GLI2: variants seen among roughly 807,000 people sequenced by gnomAD.
GLI2 encodes transcription activator GLI2.
GLI2 carries 22 observed loss-of-function variants against 78.9 expected under a neutral mutation model. The observed-to-expected ratio is 0.28, with a 90% CI of 0.20 to 0.40. The LOEUF (loss-of-function observed/expected upper bound fraction) is 0.40. GLI2 is among the 10% of genes least tolerant of loss of function. The pLI is 1.00. For synonymous variants in GLI2, 974 were observed against 963.7 expected (o/e 1.01, Z -0.20); for missense variants, 2,097 against 2,213.2 (o/e 0.95, Z 1.05).
At chr2:120,954,159 T>A (rs1558910916) in intron 4 of GLI2, among the ~76,000 whole-genome samples, 1 of 152,148 alleles carries the variant, frequency 6.6e-6, no homozygotes, top group Non-Finnish European at 1.5e-5. Flanking sequence ...TCGAGTCCTG[T>A]GTGCCCTGCT....
rs1312594885 is a variant in GLI2 at position 120,988,856 on chromosome 2, T to C, written c.2891T>C (p.Leu964Pro). ...DPVRRPDALS[L>P]PRVQRFHSTH... ...GTGCGGCGGCCCGATGCCCTGTCCC[T>C]GCCGCGGGTGCAGCGCTTCCACAGC... Residue 964 changes from leucine (L) to proline (P), a missense_variant, in exon 14 of 14, where the codon CTG becomes CCG. Leu to Pro is a moderately conservative substitution (Grantham distance 98, BLOSUM62 -3). This residue lies in a region of GLI2 where 1,290 missense variants were observed against 1,261.7 expected (regional missense o/e 1.02). Transcript: ENST00000361492. The C allele has an allele frequency of 1.3e-6, 2 of 1,491,822 alleles. No individual in the cohort carries two copies. Among genetic ancestry groups the C allele is most frequent in the Non-Finnish European group, 1.8e-6 (2 of 1,123,024 alleles). The allele number at this position is 1,491,822 out of a possible 1,614,324, so 92.4% of individuals were successfully genotyped here.
At chr2:120,956,036 A>C (rs776557836) in intron 5 of GLI2, among the ~76,000 whole-genome samples, 1 of 152,112 alleles carries the variant, frequency 6.6e-6, no homozygotes, top group African/African-American at 2.4e-5. Flanking sequence ...ACTGGAGATG[A>C]GGCTGGGCAG....
At chr2:120,956,102 A>C (rs1681248118) in intron 5 of GLI2, among the ~76,000 whole-genome samples, 1 of 152,098 alleles carries the variant, frequency 6.6e-6, no homozygotes, top group Non-Finnish European at 1.5e-5. Context: ...TGCTGATGTG[A>C]GAATTGATTT....
At chr2:120,910,683 C>T (rs979513925) in intron 2 of GLI2, among the ~76,000 whole-genome samples, 5 of 152,184 alleles carry the variant, frequency 3.3e-5, no homozygotes, top group African/African-American at 1.2e-4. Flanking sequence ...CCATTTTTAA[C>T]GCCAGTCAGA....
intron 2 of GLI2, among the ~76,000 whole-genome samples, chr2:120,849,234 T>A (rs1164321136): frequency 6.6e-6 from 1 of 152,136 alleles, no homozygotes; most frequent in African/African-American, 2.4e-5. Context: ...TTTGGGAAGA[T>A]GGAAAAGTTT....
chr2:120,938,447 C>T (rs895553), intron 3 of GLI2, among the ~76,000 whole-genome samples: 127,290 of 152,124 alleles, frequency 0.84, 57,352 homozygotes, highest in East Asian at 1. Context: ...TTGTGGACCA[C>T]GTGGCTAGAT....
At chr2:120,756,770 A>G (rs1172135557) in intron 1 of GLI2, among the ~76,000 whole-genome samples, 1 of 152,074 alleles carries the variant, frequency 6.6e-6, no homozygotes, top group Non-Finnish European at 1.5e-5. Context: ...GGCTGCTTTT[A>G]TGATTTTCTG....
rs943454646 is a variant in GLI2, at chr2:120,942,939, C to G, written c.255-8304C>G. On this transcript the variant is annotated intron_variant, in intron 3 of 13. Coordinates refer to ENST00000361492, the MANE Select transcript of GLI2 (RefSeq NM_001374353.1). ...ACTCATTCATTCATTCGTTCACACC[C>G]TCACTCACTCATTCATTCATTCGTT... Among the ~76,000 whole-genome samples, 4 of 141,096 alleles carry G rather than the reference C, an allele frequency of 2.8e-5. No individual in the cohort carries two copies. In the South Asian group the frequency reaches 8.3e-4, roughly 29 times the overall value. The allele number at this position is 141,096 out of a possible 152,430, so 92.6% of individuals were successfully genotyped here.
chr2:120,780,534 C>G (rs946155385), intron 1 of GLI2, among the ~76,000 whole-genome samples: 2 of 152,208 alleles, frequency 1.3e-5, no homozygotes. Context: ...TGCTCCCCTT[C>G]CCAGCAGGAG....
At chr2:120,960,917 A>C (rs1558916837) in intron 5 of GLI2, among the ~76,000 whole-genome samples, 1 of 152,248 alleles carries the variant, frequency 6.6e-6, no homozygotes, top group Non-Finnish European at 1.5e-5. Context: ...TTACAGCAGG[A>C]AGACAGGAGC....
In GLI2 at chr2:120,981,448, A is replaced by G. The variant is rs1379697395; in HGVS notation, c.1468-1268A>G. 2.0e-5 allele frequency among the ~76,000 whole-genome samples: 3 copies of G among 152,206 alleles called. No homozygotes were observed. The South Asian group carries it at 6.2e-4, about 31-fold the overall frequency. On this transcript the variant is annotated intron_variant, in intron 10 of 13. Coordinates refer to ENST00000361492, the MANE Select transcript of GLI2 (RefSeq NM_001374353.1). ...ATTTGTAGGAAGTAAATTGGGGCAT[A>G]TGAGTTCTCCAAATTTGTCCTCCTT... is the stretch of plus-strand genomic sequence containing the variant.
In GLI2 at chr2:120,989,359, G is replaced by A; in HGVS notation, c.3394G>A (p.Val1132Met). ...TAACATGCCTGTGCAGTGGAATGAGGTGAGCTCCGGCACCGTAGACGCCCT... is the reference window on the plus strand; with the variant it reads ...TAACATGCCTGTGCAGTGGAATGAGATGAGCTCCGGCACCGTAGACGCCCT... ...KNNMPVQWNE[V>M]SSGTVDALAS... Residue 1132 changes from valine (V) to methionine (M), a missense_variant, in exon 14 of 14, where the codon GTG becomes ATG. Transcript: ENST00000361492. The A allele has an allele frequency of 6.2e-7, 1 of 1,612,988 alleles. No individual in the cohort carries two copies. The highest frequency in any genetic ancestry group is 8.5e-7 in the Non-Finnish European group (1 of 1,179,978).
At chr2:120,857,910 C>A (rs1034108875) in intron 2 of GLI2, among the ~76,000 whole-genome samples, 2 of 152,152 alleles carry the variant, frequency 1.3e-5, no homozygotes, top group Admixed American at 1.3e-4. Flanking sequence ...TAGTAAGCTC[C>A]TTCACTCAGA....
intron 2 of GLI2, among the ~76,000 whole-genome samples, chr2:120,868,918 G>A (rs1688287525): frequency 6.6e-6 from 1 of 152,204 alleles, no homozygotes; most frequent in Non-Finnish European, 1.5e-5. Context: ...CTTGCAGGAA[G>A]CAAGGTGCAG....
intron 5 of GLI2, among the ~76,000 whole-genome samples, chr2:120,968,122 G>A (rs928192913): frequency 6.6e-6 from 1 of 152,192 alleles, no homozygotes; most frequent in African/African-American, 2.4e-5. Flanking sequence ...CAATAGCATG[G>A]AGAAATCTTA....
chr2:120,870,287 G>A (rs1462505389), intron 2 of GLI2, among the ~76,000 whole-genome samples: 1 of 152,178 alleles, frequency 6.6e-6, no homozygotes, highest in Non-Finnish European at 1.5e-5. Context: ...ACCAAAACAA[G>A]GTCTGCAGCA....
chr2:120,900,642 T>C (rs967758065), intron 2 of GLI2, among the ~76,000 whole-genome samples: 6 of 152,214 alleles, frequency 3.9e-5, no homozygotes, highest in African/African-American at 1.4e-4. Context: ...CAGTTCCTTT[T>C]AGGCTCTAGA....
chr2:120,755,812 GC>G (rs1352269503), intron 1 of GLI2, among the ~76,000 whole-genome samples: 7 of 151,962 alleles, frequency 4.6e-5, no homozygotes, highest in Non-Finnish European at 8.8e-5. Flanking sequence ...AATTGTTCCA[GC>G]CCCATTCGTT....
At chr2:120,870,554 G>A (rs1008534330) in intron 2 of GLI2, among the ~76,000 whole-genome samples, 3 of 152,180 alleles carry the variant, frequency 2.0e-5, no homozygotes, top group African/African-American at 7.2e-5. Flanking sequence ...GCGGAGGTGT[G>A]ACTGCCAGTG....
Sources: gnomAD v4.1 joint callset for allele counts (sites outside exome capture counted in the v4.1 genomes callset) on GRCh38, gnomAD v4.1.1 for gene constraint, gnomAD v4.1.1 regional missense constraint, MANE v1.5 for transcripts, NCBI Gene and HGNC (gene_info 2026-07-23, HGNC 2026-07-21) for gene names.